SNX29: variants seen among roughly 807,000 people sequenced by gnomAD.
SNX29 encodes sorting nexin 29.
In SNX29, 78 loss-of-function variants were observed where a neutral mutation model predicts 102.1. The ratio of observed to expected loss-of-function variants is 0.76; its 90% confidence interval spans 0.64 to 0.92. The LOEUF is 0.92. SNX29 is among the 40% of genes least tolerant of loss of function. The probability of loss-of-function intolerance (pLI) is 0.00; values close to 1 mark genes in which losing one functional copy is unlikely to be tolerated. For missense variants in SNX29, 1,280 were observed against 1,061.7 expected, an observed-to-expected ratio of 1.21 and a Z score of -2.86; for synonymous variants, 580 against 414.5, an observed-to-expected ratio of 1.40 and a Z score of -4.85.
rs111431241 is a variant in SNX29, at chr16:12,560,710, G to A, written c.2319-7796G>A. 3.6e-4 allele frequency: 60 copies of A among 164,540 alleles called. No individual in the cohort carries two copies. The East Asian group carries it at 7.6e-3, about 21-fold the overall frequency. 10.2% of individuals were successfully genotyped at this position (164,540 alleles called of 1,614,324 possible). A position where few individuals can be genotyped will look rare whatever the true frequency, so the allele number is the denominator to read the frequency against. ...TATCTAGTCATCGACTCTGGGCTCAGAGTGCACACATTCAACATCAAAACC... is the reference window on the plus strand; with the variant it reads ...TATCTAGTCATCGACTCTGGGCTCAAAGTGCACACATTCAACATCAAAACC... On this transcript the variant is annotated intron_variant, in intron 20 of 20. Coordinates refer to ENST00000566228, the MANE Select transcript of SNX29 (RefSeq NM_032167.5).
chr16:12,195,608 G>C (rs925259483), intron 13 of SNX29, among the ~76,000 whole-genome samples: 1 of 152,174 alleles, frequency 6.6e-6, no homozygotes, highest in African/African-American at 2.4e-5. Context: ...AGTCTTAACC[G>C]CCCAAGAGAT....
intron 15 of SNX29, among the ~76,000 whole-genome samples, chr16:12,304,856 A>G (rs891974403): frequency 2.6e-5 from 4 of 152,244 alleles, no homozygotes; most frequent in Non-Finnish European, 5.9e-5. Flanking sequence ...TGATTTTACG[A>G]GAACATTCTG....
intron 20 of SNX29, among the ~76,000 whole-genome samples, chr16:12,535,972 C>T (rs548822505): frequency 6.6e-6 from 1 of 152,250 alleles, no homozygotes; most frequent in South Asian, 2.1e-4. Context: ...TTGACCCCGG[C>T]TGAGAAAAGG....
Position 12,571,814 on chromosome 16 carries a change from CTTCT to C in SNX29, c.*3188_*3191del, listed in dbSNP as rs2079193791. 3 of 1,031,822 alleles carry C rather than the reference CTTCT, an allele frequency of 2.9e-6. No individual in the cohort carries two copies. The highest frequency in any genetic ancestry group is 1.1e-4 in the Admixed American group (2 of 18,558). The allele number at this position is 1,031,822 out of a possible 1,614,324, so 63.9% of individuals were successfully genotyped here. On this transcript the variant is annotated 3_prime_UTR_variant, in exon 21 of 21. Coordinates refer to ENST00000566228, the MANE Select transcript of SNX29 (RefSeq NM_032167.5). ...TCCTGCAATCAGTGTGAAATTCCAGCTTCTTTGATTCCCACTTAGCAGTATGCTC... is the reference window on the plus strand; with the variant it reads ...TCCTGCAATCAGTGTGAAATTCCAGCTTGATTCCCACTTAGCAGTATGCTC...
At chr16:12,509,966 A>G (rs1004401082) in intron 19 of SNX29, among the ~76,000 whole-genome samples, 3 of 152,188 alleles carry the variant, frequency 2.0e-5, no homozygotes, top group African/African-American at 7.2e-5. Flanking sequence ...ATGTTGGGTG[A>G]TTGCATGTAT....
intron 8 of SNX29, among the ~76,000 whole-genome samples, chr16:12,055,356 C>G (rs1396285642): frequency 6.6e-6 from 1 of 151,790 alleles, no homozygotes; most frequent in African/African-American, 2.4e-5. Flanking sequence ...GTCTCAGCCT[C>G]TCGAGTAGCT....
At chr16:12,267,574 A>G (rs1357922264) in intron 14 of SNX29, among the ~76,000 whole-genome samples, 1 of 152,136 alleles carries the variant, frequency 6.6e-6, no homozygotes, top group Admixed American at 6.5e-5. Context: ...GCCCAAGACC[A>G]TGGCAGGGCA....
intron 15 of SNX29, among the ~76,000 whole-genome samples, chr16:12,349,482 C>G (rs914233949): frequency 3.9e-5 from 6 of 152,198 alleles, no homozygotes; most frequent in Admixed American, 2.0e-4. Flanking sequence ...ATCCCAAATT[C>G]AAAATATTCC....
chr16:12,562,184 A>AT, intron 20 of SNX29, among the ~76,000 whole-genome samples: 2 of 152,294 alleles, frequency 1.3e-5, no homozygotes, highest in East Asian at 3.9e-4. Flanking sequence ...TGACCTGAGC[A>AT]TAGGGTTCAC....
intron 15 of SNX29, among the ~76,000 whole-genome samples, chr16:12,333,106 A>ATTTC (rs71408258): frequency 8.8e-5 from 12 of 135,782 alleles, no homozygotes; most frequent in Admixed American, 7.7e-4. Context: ...CAATCAGTTA[A>ATTTC]TTTTTTTTTT....
chr16:12,552,957 T>C (rs1450194353), intron 20 of SNX29, among the ~76,000 whole-genome samples: 2 of 152,084 alleles, frequency 1.3e-5, no homozygotes, highest in African/African-American at 2.4e-5. Flanking sequence ...ATCAGGAACA[T>C]GGATTGTATT....
At chr16:12,155,000 C>T (rs7501241) in intron 13 of SNX29, among the ~76,000 whole-genome samples, 84,997 of 152,018 alleles carry the variant, frequency 0.56, 24,919 homozygotes, top group East Asian at 0.95. Context: ...CAGTAGCAAG[C>T]ATTTAGGCAT....
intron 20 of SNX29, among the ~76,000 whole-genome samples, chr16:12,559,373 A>C (rs549828984): frequency 6.6e-6 from 1 of 150,916 alleles, no homozygotes; most frequent in Non-Finnish European, 1.5e-5. Context: ...ATGCCTGATG[A>C]TCTCTCACCC....
At chr16:12,046,530 G>A (rs752996842) in intron 6 of SNX29, 76 bp downstream of exon 6, 36 of 1,377,144 alleles carry the variant, frequency 2.6e-5, no homozygotes, top group Admixed American at 2.1e-4. Context: ...GTTCCACAGC[G>A]CCATGGAGTG....
chr16:12,539,106 C>T (rs1356910783), intron 20 of SNX29, among the ~76,000 whole-genome samples: 2 of 152,174 alleles, frequency 1.3e-5, no homozygotes, highest in Non-Finnish European at 2.9e-5. Flanking sequence ...TCCTACTTGC[C>T]TTTACTTTCA....
Position 12,042,918 on chromosome 16 carries a change from T to TG in SNX29, c.270dup (p.Lys91GlufsTer57), listed in dbSNP as rs1274312583. 1 of 1,612,548 alleles carries TG rather than the reference T, an allele frequency of 6.2e-7. No homozygotes were observed. The highest frequency in any genetic ancestry group is 1.3e-5 in the African/African-American group (1 of 74,924). On this transcript the variant is annotated frameshift_variant, in exon 5 of 21. Transcript: ENST00000566228. LOFTEE classifies it high-confidence loss of function. ...GTAGAGCCCGTGTTCTGGTACTACG[T>TG]GAAGGAGGTCCTCAACAAGCACGAG...
chr16:12,492,382 T>A (rs1456309474), intron 19 of SNX29, among the ~76,000 whole-genome samples: 1 of 152,166 alleles, frequency 6.6e-6, no homozygotes, highest in Non-Finnish European at 1.5e-5. Flanking sequence ...GGGTTGTTTG[T>A]TTTTTTCTTG....
chr16:12,561,346 C>G (rs1303002757), intron 20 of SNX29, among the ~76,000 whole-genome samples: 1 of 151,824 alleles, frequency 6.6e-6, no homozygotes, highest in Non-Finnish European at 1.5e-5. Flanking sequence ...TGGTGAGACT[C>G]ACAGACTTAT....
chr16:12,561,131 G>C (rs1161245838), intron 20 of SNX29: 1 of 228,568 alleles, frequency 4.4e-6, no homozygotes, highest in South Asian at 1.8e-4. Context: ...ACGCAGTCCT[G>C]AGGCCCAGGT....
Sources: gnomAD v4.1 joint callset for allele counts (sites outside exome capture counted in the v4.1 genomes callset) on GRCh38, gnomAD v4.1.1 for gene constraint, MANE v1.5 for transcripts, NCBI Gene and HGNC (gene_info 2026-07-23, HGNC 2026-07-21) for gene names.